Variants in LRMDA observed in about 807,000 individuals in gnomAD.
The protein encoded by LRMDA is leucine rich melanocyte differentiation associated.
In LRMDA, 18 loss-of-function variants were observed where a neutral mutation model predicts 29.8. That is an observed-to-expected ratio of 0.60 (90% CI 0.42 to 0.90). LRMDA has a LOEUF of 0.90. Ranked by LOEUF, LRMDA falls within the 40% of genes least tolerant of loss-of-function variation. The pLI, the probability that LRMDA is intolerant of heterozygous loss-of-function variation, is 0.00. For synonymous variants in LRMDA, 125 were observed against 109.4 expected, an observed-to-expected ratio of 1.14 and a Z score of -0.89; for missense variants, 273 against 273.9, an observed-to-expected ratio of 1.00 and a Z score of 0.02.
At chr10:76,041,253 G>T (rs1230325516) in intron 3 of LRMDA, among the ~76,000 whole-genome samples, 1 of 152,182 alleles carries the variant, frequency 6.6e-6, no homozygotes, top group East Asian at 1.9e-4. Context: ...GCCCGGTGAT[G>T]GCACCTGTGC....
rs927279024 is a variant in LRMDA at position 76,200,800 on chromosome 10, G to C, written c.517-123601G>C. Among the ~76,000 whole-genome samples, 4 of 147,568 alleles carry C rather than the reference G, an allele frequency of 2.7e-5. No homozygotes were observed. The Admixed American group carries it at 2.7e-4, about 10-fold the overall frequency. On this transcript the variant is annotated intron_variant, in intron 5 of 6. Transcript: ENST00000611255. ...TGGCACAATCTCGGCTCACTGCAGC[G>C]CCTGCCTCCCAGGTTCAAGCTATTC...
intron 2 of LRMDA, among the ~76,000 whole-genome samples, chr10:75,458,965 G>A (rs967610148): frequency 6.6e-6 from 1 of 150,848 alleles, no homozygotes; most frequent in Non-Finnish European, 1.5e-5. Flanking sequence ...ACCTTGAATT[G>A]AATGGTTCAG....
intron 6 of LRMDA, among the ~76,000 whole-genome samples, chr10:76,339,808 A>G (rs1009814099): frequency 1.1e-4 from 16 of 152,162 alleles, no homozygotes; most frequent in East Asian, 9.6e-4. Flanking sequence ...AAGAAGAAAT[A>G]TAAGTCTAAA....
chr10:75,612,494 A>AT (rs1841044974), intron 2 of LRMDA, among the ~76,000 whole-genome samples: 2 of 152,164 alleles, frequency 1.3e-5, no homozygotes, highest in South Asian at 2.1e-4. Context: ...TACTAAGCAG[A>AT]TTTTAAAAGC....
chr10:76,508,125 A>G (rs1024600179), intron 6 of LRMDA, among the ~76,000 whole-genome samples: 2 of 152,172 alleles, frequency 1.3e-5, no homozygotes, highest in Non-Finnish European at 2.9e-5. Context: ...GCATTGTATC[A>G]GGAGGTATGT....
At chr10:75,686,849 C>T (rs1362040758) in intron 2 of LRMDA, among the ~76,000 whole-genome samples, 1 of 152,210 alleles carries the variant, frequency 6.6e-6, no homozygotes, top group Non-Finnish European at 1.5e-5. Flanking sequence ...CATGTGCTCG[C>T]TTCGTGGCTC....
chr10:75,728,396 T>C (rs1842654922), intron 2 of LRMDA, among the ~76,000 whole-genome samples: 1 of 151,920 alleles, frequency 6.6e-6, no homozygotes, highest in Non-Finnish European at 1.5e-5. Flanking sequence ...ACATTTATCA[T>C]GTGCTTAGTT....
At chr10:75,692,043 AG>A (rs1842165386) in intron 2 of LRMDA, among the ~76,000 whole-genome samples, 1 of 151,744 alleles carries the variant, frequency 6.6e-6, no homozygotes, top group Non-Finnish European at 1.5e-5. Flanking sequence ...TCTCTACAAA[AG>A]TAAAAAAAGT....
intron 5 of LRMDA, among the ~76,000 whole-genome samples, chr10:76,260,294 A>AT (rs1373697139): frequency 6.6e-6 from 1 of 151,534 alleles, no homozygotes; most frequent in South Asian, 2.1e-4. Context: ...TTTTATAGCC[A>AT]TTTTTTGCAT....
At chr10:76,346,888 C>T (rs914477912) in intron 6 of LRMDA, among the ~76,000 whole-genome samples, 1 of 152,162 alleles carries the variant, frequency 6.6e-6, no homozygotes, top group African/African-American at 2.4e-5. Context: ...CTCCCCAATA[C>T]AATACACAAC....
intron 2 of LRMDA, among the ~76,000 whole-genome samples, chr10:75,556,476 C>T (rs545128820): frequency 4.6e-5 from 7 of 152,284 alleles, no homozygotes; most frequent in African/African-American, 1.2e-4. Context: ...GATGATTAAT[C>T]GTCACATCTG....
At chr10:76,534,460 T>C (rs1194681872) in intron 6 of LRMDA, among the ~76,000 whole-genome samples, 2 of 152,250 alleles carry the variant, frequency 1.3e-5, no homozygotes, top group East Asian at 1.9e-4. Flanking sequence ...CTGATGCAAA[T>C]GAGAGGACTC....
intron 5 of LRMDA, among the ~76,000 whole-genome samples, chr10:76,129,301 C>T (rs1849943001): frequency 1.3e-5 from 2 of 152,222 alleles, no homozygotes; most frequent in African/African-American, 4.8e-5. Context: ...TACCCCTTAG[C>T]CTGCCACAGC....
chr10:76,491,952 T>C (rs1418848900), intron 6 of LRMDA, among the ~76,000 whole-genome samples: 1 of 152,094 alleles, frequency 6.6e-6, no homozygotes, highest in Non-Finnish European at 1.5e-5. Flanking sequence ...TTCTTTCTTC[T>C]GCTTATCAGC....
chr10:75,578,711 A>G (rs1459581144), intron 2 of LRMDA, among the ~76,000 whole-genome samples: 1 of 152,208 alleles, frequency 6.6e-6, no homozygotes, highest in Non-Finnish European at 1.5e-5. Flanking sequence ...ACCACAGTGC[A>G]ATCAAATTAG....
At chr10:76,495,133 T>A (rs1842869796) in intron 6 of LRMDA, among the ~76,000 whole-genome samples, 2 of 151,962 alleles carry the variant, frequency 1.3e-5, no homozygotes, top group South Asian at 4.1e-4. Flanking sequence ...TGTTTTATAC[T>A]TTACATTTAA....
intron 5 of LRMDA, among the ~76,000 whole-genome samples, chr10:76,146,394 A>G (rs1850321646): frequency 6.6e-6 from 1 of 151,664 alleles, no homozygotes; most frequent in African/African-American, 2.4e-5. Flanking sequence ...GTGCATATAT[A>G]TTTAGGATAG....
intron 2 of LRMDA, among the ~76,000 whole-genome samples, chr10:75,868,125 C>G (rs1336565961): frequency 2.0e-5 from 3 of 152,084 alleles, no homozygotes; most frequent in Non-Finnish European, 4.4e-5. Flanking sequence ...TTTGCTCTGT[C>G]TTGTTATTTT....
At chr10:75,699,922 G>T (rs974162770) in intron 2 of LRMDA, among the ~76,000 whole-genome samples, 1 of 152,130 alleles carries the variant, frequency 6.6e-6, no homozygotes, top group Non-Finnish European at 1.5e-5. Context: ...TGTGACCATG[G>T]AGGCAGAAAT....
Sources: gnomAD v4.1 joint callset for allele counts (sites outside exome capture counted in the v4.1 genomes callset) on GRCh38, gnomAD v4.1.1 for gene constraint, MANE v1.5 for transcripts, NCBI Gene and HGNC (gene_info 2026-07-23, HGNC 2026-07-21) for gene names.